Variants in FHOD3 observed in about 807,000 individuals in gnomAD.
FHOD3 encodes the protein FH1/FH2 domain-containing protein 3.
In FHOD3, 90 loss-of-function variants were observed where a neutral mutation model predicts 173.0. That is an observed-to-expected ratio of 0.52 (90% CI 0.44 to 0.62). The LOEUF (loss-of-function observed/expected upper bound fraction) is 0.62, where lower values mean the gene tolerates loss of function less well. Ranked by LOEUF, FHOD3 falls within the 20% of genes least tolerant of loss-of-function variation. FHOD3 has a pLI of 0.00. For synonymous variants in FHOD3, 828 were observed against 823.0 expected (o/e 1.01, Z -0.10); for missense variants, 1,945 against 2,034.7 (o/e 0.96, Z 0.85).
chr18:36,768,173 A>G (rs180980321), intron 27 of FHOD3, among the ~76,000 whole-genome samples: 1 of 152,116 alleles, frequency 6.6e-6, no homozygotes, highest in East Asian at 1.9e-4. Context: ...AGAAATTAAC[A>G]ATTTTGAGCA....
At chr18:36,713,413 G>A (rs1405833851) in intron 18 of FHOD3, among the ~76,000 whole-genome samples, 9 of 152,176 alleles carry the variant, frequency 5.9e-5, no homozygotes, top group Non-Finnish European at 2.9e-5. Flanking sequence ...ACTGTGGTTA[G>A]TGTATATATT....
At chr18:36,438,948 C>T (rs756744191) in intron 3 of FHOD3, among the ~76,000 whole-genome samples, 9 of 152,204 alleles carry the variant, frequency 5.9e-5, no homozygotes, top group Admixed American at 1.3e-4. Flanking sequence ...CTGTCTACCT[C>T]GCACCCAAAG....
At chr18:36,479,985 C>A (rs971053285) in intron 3 of FHOD3, among the ~76,000 whole-genome samples, 1 of 152,154 alleles carries the variant, frequency 6.6e-6, no homozygotes, top group Non-Finnish European at 1.5e-5. Context: ...CAGAACTAGG[C>A]AGAACTAGCT....
chr18:36,333,296 C>CCT (rs1261939299), intron 1 of FHOD3, among the ~76,000 whole-genome samples: 1 of 152,184 alleles, frequency 6.6e-6, no homozygotes, highest in African/African-American at 2.4e-5. Context: ...CAGGTAAAGA[C>CCT]AGCTGCTGCT....
At chr18:36,569,764 G>T (rs1471206780) in intron 5 of FHOD3, among the ~76,000 whole-genome samples, 1 of 152,096 alleles carries the variant, frequency 6.6e-6, no homozygotes. Context: ...CTGTAAATCA[G>T]TAACGGAAGG....
chr18:36,563,983 G>A (rs183550526), intron 5 of FHOD3, among the ~76,000 whole-genome samples: 75 of 152,166 alleles, frequency 4.9e-4, no homozygotes, highest in Admixed American at 1.5e-3. Flanking sequence ...TGTCAGTCAG[G>A]GACAGATGCC....
intron 7 of FHOD3, among the ~76,000 whole-genome samples, chr18:36,600,872 T>C (rs138204154): frequency 9.1e-4 from 139 of 152,360 alleles, no homozygotes; most frequent in South Asian, 1.9e-3. Flanking sequence ...CTTTCTCCCC[T>C]GCACATTCTT....
At chr18:36,354,803 C>T (rs1291847880) in intron 1 of FHOD3, among the ~76,000 whole-genome samples, 1 of 146,340 alleles carries the variant, frequency 6.8e-6, no homozygotes, top group African/African-American at 2.5e-5. Flanking sequence ...GAGACTCTGT[C>T]GCCAAAAAAA....
chr18:36,617,788 T>C (rs994087438), intron 9 of FHOD3, among the ~76,000 whole-genome samples: 3 of 152,184 alleles, frequency 2.0e-5, no homozygotes, highest in African/African-American at 4.8e-5. Flanking sequence ...TGATGTTAAA[T>C]ATATATGTGT....
chr18:36,435,296 T>C (rs1432398204), intron 3 of FHOD3, among the ~76,000 whole-genome samples: 5 of 152,154 alleles, frequency 3.3e-5, no homozygotes, highest in African/African-American at 7.2e-5. Context: ...GTGTATGTTA[T>C]TCTGTGAGAA....
Position 36,760,642 on chromosome 18 carries a change from C to T in FHOD3, c.4484C>T (p.Pro1495Leu). The change falls in exon 27 of 29, where the codon CCA becomes CTA. Residue 1495 changes from proline to leucine, a missense_variant. Coordinates refer to ENST00000590592, the MANE Select transcript of FHOD3 (RefSeq NM_001281740.3). ...TTCTCCGGCAGTTCTCCGGCGCCCCCAAGCCAGCCGCAGGGTCTGAGCTAT... is the reference window on the plus strand; with the variant it reads ...TTCTCCGGCAGTTCTCCGGCGCCCCTAAGCCAGCCGCAGGGTCTGAGCTAT... Reference protein sequence around the residue: ...GKFSGSSPAPPSQPQGLSYAE... With the variant: ...GKFSGSSPAPLSQPQGLSYAE... 3 of 1,594,746 alleles carry T rather than the reference C, an allele frequency of 1.9e-6. No homozygotes were observed. The highest frequency in any genetic ancestry group is 2.6e-6 in the Non-Finnish European group (3 of 1,169,204).
chr18:36,478,398 A>G (rs536379939), intron 3 of FHOD3, among the ~76,000 whole-genome samples: 1 of 152,306 alleles, frequency 6.6e-6, no homozygotes, highest in African/African-American at 2.4e-5. Context: ...TCAACCATCT[A>G]TTCTTTGTGT....
intron 4 of FHOD3, among the ~76,000 whole-genome samples, chr18:36,506,162 A>G (rs1038986146): frequency 3.3e-5 from 5 of 152,190 alleles, no homozygotes; most frequent in African/African-American, 1.2e-4. Context: ...TTTCCCTCAA[A>G]TGTGACTTCA....
intron 3 of FHOD3, among the ~76,000 whole-genome samples, chr18:36,448,808 C>A (rs1030520422): frequency 2.0e-5 from 3 of 152,106 alleles, no homozygotes; most frequent in Non-Finnish European, 4.4e-5. Flanking sequence ...GCTGGTCTTG[C>A]GGTTGAGAAA....
Position 36,760,593 on chromosome 18 carries a change from C to T in FHOD3, c.4450-15C>T. 1 of 1,550,600 alleles carries T rather than the reference C, an allele frequency of 6.4e-7. No homozygotes were observed. Among genetic ancestry groups the T allele is most frequent in the Non-Finnish European group, 8.7e-7 (1 of 1,143,078 alleles). Reference sequence around the variant, plus strand: ...GGAGTCTCCCTCACCTGCTAACTTCCCCTTGGTTTTGCAGTCTGGCAAGTT... The same window carrying T: ...GGAGTCTCCCTCACCTGCTAACTTCTCCTTGGTTTTGCAGTCTGGCAAGTT... On this transcript the variant is annotated splice_polypyrimidine_tract_variant and intron_variant, in intron 26 of 28. Coordinates refer to ENST00000590592, the MANE Select transcript of FHOD3 (RefSeq NM_001281740.3).
At chr18:36,688,693 T>C (rs1011153116) in intron 16 of FHOD3, among the ~76,000 whole-genome samples, 3 of 152,224 alleles carry the variant, frequency 2.0e-5, no homozygotes, top group African/African-American at 7.2e-5. Context: ...TGTACTTATT[T>C]GAGCTTTCAA....
chr18:36,779,355 A>AG (rs2043933644), intron 28 of FHOD3, 93 bp from the exon 29 acceptor site: 14 of 1,117,200 alleles, frequency 1.3e-5, no homozygotes, highest in Non-Finnish European at 1.8e-5. Flanking sequence ...CCTGGGGAGA[A>AG]GGGGGGACTG....
At position 36,763,939 on chromosome 18, in the gene FHOD3, G is replaced by A. The variant is rs111585724; in HGVS notation, c.4624+3157G>A. Among the ~76,000 whole-genome samples the A allele has an allele frequency of 4.1e-3, 621 of 152,204 alleles. 5 individuals carry two copies. Among genetic ancestry groups the A allele is most frequent in the Non-Finnish European group, 6.6e-3 (452 of 68,018 alleles). On this transcript the variant is annotated intron_variant, in intron 27 of 28. Coordinates refer to ENST00000590592, the MANE Select transcript of FHOD3 (RefSeq NM_001281740.3). ...TCTTTCCAAACCTCTTTCCAAAACTGTAATTTCCATAGATAGTTTTGGATG... is the reference window on the plus strand; with the variant it reads ...TCTTTCCAAACCTCTTTCCAAAACTATAATTTCCATAGATAGTTTTGGATG...
chr18:36,705,794 A>G (rs1384316323), intron 17 of FHOD3, among the ~76,000 whole-genome samples: 1 of 152,200 alleles, frequency 6.6e-6, no homozygotes, highest in Non-Finnish European at 1.5e-5. Flanking sequence ...TTTTCTCCCT[A>G]GTTGTTGCCA....
Sources: allele counts gnomAD v4.1 joint callset (sites outside exome capture counted in the v4.1 genomes callset), GRCh38; gene constraint gnomAD v4.1.1; transcripts MANE v1.5; gene names NCBI Gene and HGNC (gene_info 2026-07-23, HGNC 2026-07-21).